Variants in PRDM16 observed in about 807,000 individuals in gnomAD.
PRDM16 encodes the protein histone-lysine N-methyltransferase PRDM16.
In PRDM16, 23 loss-of-function variants were observed where a neutral mutation model predicts 110.6. The observed-to-expected ratio is 0.21, with a 90% CI of 0.15 to 0.29. PRDM16 has a LOEUF of 0.29. Ranked by LOEUF, PRDM16 falls within the 10% of genes least tolerant of loss-of-function variation. The pLI is 1.00. For synonymous variants in PRDM16, 799 were observed against 781.8 expected (o/e 1.02, Z -0.37); for missense variants, 1,615 against 1,794.3 (o/e 0.90, Z 1.81).
chr1:3,216,838 C>T (rs1374750564), intron 2 of PRDM16, among the ~76,000 whole-genome samples: 1 of 152,246 alleles, frequency 6.6e-6, no homozygotes, highest in Non-Finnish European at 1.5e-5. Flanking sequence ...TGTAGCCAGT[C>T]ATCCGTGACT....
At chr1:3,367,620 CT>C (rs1186393367) in intron 3 of PRDM16, among the ~76,000 whole-genome samples, 5 of 152,194 alleles carry the variant, frequency 3.3e-5, no homozygotes, top group South Asian at 2.1e-4. Flanking sequence ...ACGTGCGGTC[CT>C]GTGGTTCCCT....
intron 3 of PRDM16, among the ~76,000 whole-genome samples, chr1:3,323,397 G>T (rs1443932666): frequency 6.6e-6 from 1 of 152,220 alleles, no homozygotes; most frequent in Non-Finnish European, 1.5e-5. Context: ...AGTGTGTGCC[G>T]CCAGAAGCGA....
At chr1:3,092,616 G>A (rs114545829) in intron 1 of PRDM16, among the ~76,000 whole-genome samples, 2,189 of 152,322 alleles carry the variant, frequency 0.014, 59 homozygotes, top group African/African-American at 0.049. Context: ...CCCTCAGGCT[G>A]GCCAGGCATC....
intron 5 of PRDM16, among the ~76,000 whole-genome samples, chr1:3,398,718 G>A (rs998031323): frequency 2.0e-5 from 3 of 152,364 alleles, no homozygotes; most frequent in East Asian, 1.9e-4. Flanking sequence ...CAAGTGAGGC[G>A]CAGATATGAC....
Position 3,265,780 on chromosome 1 carries a change from G to A in PRDM16, c.438+21643G>A, listed in dbSNP as rs935988749. ...AGGCATTATCCAGCTGGCACCTCAC[G>A]CTCTGTCCTCACCGCCCAGACCCTA... is the stretch of plus-strand genomic sequence containing the variant. On this transcript the variant is annotated intron_variant, in intron 3 of 16. Coordinates refer to ENST00000270722, the MANE Select transcript of PRDM16 (RefSeq NM_022114.4). The surrounding 1 kb of genome is among the most constrained non-coding windows in gnomAD (Gnocchi z 4.5). Among the ~76,000 whole-genome samples the A allele has an allele frequency of 1.3e-5, 2 of 152,104 alleles. No individual in the cohort carries two copies. Among genetic ancestry groups the A allele is most frequent in the Admixed American group, 6.5e-5 (1 of 15,282 alleles).
At chr1:3,356,805 G>C (rs539750599) in intron 3 of PRDM16, among the ~76,000 whole-genome samples, 1 of 152,174 alleles carries the variant, frequency 6.6e-6, no homozygotes, top group African/African-American at 2.4e-5. Flanking sequence ...CCTGGAGACC[G>C]GGCCAGTGTG....
Position 3,291,596 on chromosome 1 carries a change from G to A in PRDM16, c.438+47459G>A, listed in dbSNP as rs554915984. Among the ~76,000 whole-genome samples the A allele has an allele frequency of 1.3e-3, 193 of 152,220 alleles. 2 individuals are homozygous for A. Among genetic ancestry groups the A allele is most frequent in the African/African-American group, 4.5e-3 (186 of 41,526 alleles). On this transcript the variant is annotated intron_variant, in intron 3 of 16. Coordinates refer to ENST00000270722, the MANE Select transcript of PRDM16 (RefSeq NM_022114.4). Reference sequence around the variant, plus strand: ...CCCCTGCCCATCCCCTCTTGAAGGGGCCTCACCAGGCCATGGGCTCCCTAT... The same window carrying A: ...CCCCTGCCCATCCCCTCTTGAAGGGACCTCACCAGGCCATGGGCTCCCTAT...
chr1:3,391,843 G>T (rs1056480210), intron 4 of PRDM16, among the ~76,000 whole-genome samples: 1 of 152,246 alleles, frequency 6.6e-6, no homozygotes, highest in Non-Finnish European at 1.5e-5. Flanking sequence ...AAGCACAGGC[G>T]TGCACAGGGT....
chr1:3,290,318 G>A lies in PRDM16; in HGVS notation c.438+46181G>A, dbSNP rs979993183. ...GGGCTCAGGGGTCCTCAGAGGTGTC[G>A]CCCCTTCCATGCTCAAAATGGCTGG... On this transcript the variant is annotated intron_variant, in intron 3 of 16. Coordinates refer to ENST00000270722, the MANE Select transcript of PRDM16 (RefSeq NM_022114.4). The surrounding 1 kb of genome is among the most constrained non-coding windows in gnomAD (Gnocchi z 4.8). Among the ~76,000 whole-genome samples, 1 of 152,116 alleles carries A rather than the reference G, an allele frequency of 6.6e-6. No homozygotes were observed. Among genetic ancestry groups the A allele is most frequent in the Non-Finnish European group, 1.5e-5 (1 of 68,016 alleles).
chr1:3,322,564 C>T (rs1054648123), intron 3 of PRDM16, among the ~76,000 whole-genome samples: 1 of 152,060 alleles, frequency 6.6e-6, no homozygotes, highest in African/African-American at 2.4e-5. Flanking sequence ...CCACCACTGT[C>T]TCAGGAGCTT....
intron 1 of PRDM16, among the ~76,000 whole-genome samples, chr1:3,099,684 T>C (rs1433854347): frequency 2.0e-5 from 3 of 152,126 alleles, no homozygotes; most frequent in Non-Finnish European, 4.4e-5. Context: ...CATTAGGAAC[T>C]TGGGGAGCAG....
chr1:3,141,531 A>C (rs1027111092), intron 1 of PRDM16, among the ~76,000 whole-genome samples: 3 of 152,250 alleles, frequency 2.0e-5, no homozygotes, highest in Admixed American at 6.5e-5. Context: ...ATTGTACAAT[A>C]CGTTATCAGT....
Position 3,412,747 on chromosome 1 carries a change from GC to G in PRDM16, c.2555del (p.Pro852ArgfsTer19). The G allele has an allele frequency of 3.3e-6, 5 of 1,503,072 alleles. No individual in the cohort carries two copies. The highest frequency in any genetic ancestry group is 3.6e-6 in the Non-Finnish European group (4 of 1,126,620). 93.1% of individuals were successfully genotyped at this position (1,503,072 alleles called of 1,614,324 possible). On this transcript the variant is annotated frameshift_variant, in exon 9 of 17. Coordinates refer to ENST00000270722, the MANE Select transcript of PRDM16 (RefSeq NM_022114.4). LOFTEE classifies it high-confidence loss of function. Reference protein sequence around the residue: ...QVCPARMPQQPPLHYAKPSPF... With the variant: ...QVCPARMPQQXPLHYAKPSPF... ...TGTGCCCGGCGCGGATGCCCCAGCA[GC>G]CCCCGCTCCACTACGCCAAGCCCTC...
intron 1 of PRDM16, among the ~76,000 whole-genome samples, chr1:3,117,683 C>G (rs916659678): frequency 3.3e-5 from 5 of 152,134 alleles, no homozygotes; most frequent in African/African-American, 1.2e-4. Flanking sequence ...GGCAACCCAG[C>G]CTAGTCCAGG....
In PRDM16 at chr1:3,201,636, G is replaced by A. The variant is rs1237814454; in HGVS notation, c.387+15162G>A. 6.6e-6 allele frequency among the ~76,000 whole-genome samples: 1 copy of A among 152,254 alleles called. No individual in the cohort carries two copies. The highest frequency in any genetic ancestry group is 1.5e-5 in the Non-Finnish European group (1 of 68,042). On this transcript the variant is annotated intron_variant, in intron 2 of 16. Coordinates refer to ENST00000270722, the MANE Select transcript of PRDM16 (RefSeq NM_022114.4). The surrounding 1 kb of genome is among the most constrained non-coding windows in gnomAD (Gnocchi z 4.1). The stretch of plus-strand genomic sequence containing the variant: ...GGGGGCTGGGAGCCCCGGCTCTGAC[G>A]TTTCTCCAGTGACCCCTGGCAGGTC...
At chr1:3,288,737 C>G (rs1331116439) in intron 3 of PRDM16, among the ~76,000 whole-genome samples, 1 of 152,160 alleles carries the variant, frequency 6.6e-6, no homozygotes, top group East Asian at 1.9e-4. Context: ...CCTCTCCCTG[C>G]AGGAGCCAAA....
Position 3,213,376 on chromosome 1 carries a change from G to C in PRDM16, c.387+26902G>C, listed in dbSNP as rs775610721. The stretch of plus-strand genomic sequence containing the variant: ...TTGCTGGGGAGAGGGGTGTGGGGGC[G>C]GGATGGCGGGTCCTGGGCGTCTCGG... On this transcript the variant is annotated intron_variant, in intron 2 of 16. Coordinates refer to ENST00000270722, the MANE Select transcript of PRDM16 (RefSeq NM_022114.4). The surrounding 1 kb of genome is among the most constrained non-coding windows in gnomAD (Gnocchi z 5.3). Among the ~76,000 whole-genome samples, 1 of 152,030 alleles carries C rather than the reference G, an allele frequency of 6.6e-6. No individual in the cohort carries two copies. The highest frequency in any genetic ancestry group is 1.9e-4 in the East Asian group (1 of 5,170).
chr1:3,371,991 T>G (rs778791319), intron 3 of PRDM16, among the ~76,000 whole-genome samples: 15 of 152,238 alleles, frequency 9.9e-5, no homozygotes, highest in Non-Finnish European at 1.5e-5. Flanking sequence ...AATAAGCGGA[T>G]GAGAAGACTC....
chr1:3,412,652 G>A lies in PRDM16; in HGVS notation c.2455G>A (p.Gly819Arg), dbSNP rs755243204. Residue 819 changes from glycine (G) to arginine (R), a missense_variant, in exon 9 of 17, where the codon GGG becomes AGG. By Grantham distance (125) the Gly-to-Arg change is moderately radical. Around this residue, in one of 5 missense-constraint regions of PRDM16, gnomAD observed 772 missense variants for 748.3 expected, o/e 1.03. Coordinates refer to ENST00000270722, the MANE Select transcript of PRDM16 (RefSeq NM_022114.4). ...GGCCCGTGCCAGCCAAAACGGCGGC[G>A]GGCGGGAGCCCCGCAAGAACCACGT... The part of the protein sequence containing the change: ...SRARASQNGG[G>R]REPRKNHVYG... The A allele has an allele frequency of 7.8e-6, 12 of 1,541,226 alleles. No individual in the cohort carries two copies. The East Asian group carries it at 9.6e-5, about 12-fold the overall frequency.
Sources: allele counts gnomAD v4.1 joint callset (sites outside exome capture counted in the v4.1 genomes callset), GRCh38; gene constraint gnomAD v4.1.1; regional missense constraint gnomAD v4.1.1; non-coding constraint Gnocchi (gnomAD v3.1); transcripts MANE v1.5; gene names NCBI Gene and HGNC (gene_info 2026-07-23, HGNC 2026-07-21).